JARID2: variants seen among roughly 807,000 people sequenced by gnomAD.
The protein encoded by JARID2 is jumonji and AT-rich interaction domain containing 2.
In JARID2, 21 loss-of-function variants were observed where a neutral mutation model predicts 125.6. The ratio of observed to expected loss-of-function variants is 0.17; its 90% CI spans 0.12 to 0.24. JARID2 has a LOEUF of 0.24. Among genes scored for constraint, JARID2 ranks in the 10% least tolerant of loss-of-function variants. The pLI is 1.00. For missense variants in JARID2, 1,303 were observed against 1,639.6 expected (o/e 0.79, Z 3.55); for synonymous variants, 736 against 661.6 (o/e 1.11, Z -1.73).
chr6:15,505,255 G>A (rs1352656017), intron 9 of JARID2: 2 of 152,090 alleles, frequency 1.3e-5, no homozygotes, highest in Admixed American at 6.6e-5. Context: ...AACCAAACCC[G>A]GACTGCTGGT....
chr6:15,506,731 C>T (rs779115264), intron 9 of JARID2, among the ~76,000 whole-genome samples: 1 of 152,154 alleles, frequency 6.6e-6, no homozygotes, highest in Non-Finnish European at 1.5e-5. Context: ...ATATAATTGG[C>T]GGTTACCGTG....
intron 5 of JARID2, among the ~76,000 whole-genome samples, chr6:15,472,778 CTG>C (rs1363670371): frequency 2.0e-5 from 3 of 152,082 alleles, no homozygotes; most frequent in Non-Finnish European, 4.4e-5. Flanking sequence ...CCTGTTCAGT[CTG>C]TGTTAGGCCT....
chr6:15,442,742 T>A (rs1006800122), intron 3 of JARID2, among the ~76,000 whole-genome samples: 1 of 152,220 alleles, frequency 6.6e-6, no homozygotes, highest in Non-Finnish European at 1.5e-5. Context: ...CCCTCTCAAA[T>A]TTGACACGGT....
intron 1 of JARID2, among the ~76,000 whole-genome samples, chr6:15,251,508 C>CAAGCCCAG (rs1759452492): frequency 6.6e-6 from 1 of 152,218 alleles, no homozygotes; most frequent in Non-Finnish European, 1.5e-5. Context: ...GCCCTGTTGG[C>CAAGCCCAG]TGCAGTATGT....
intron 3 of JARID2, among the ~76,000 whole-genome samples, chr6:15,445,286 C>T (rs1767625793): frequency 6.6e-6 from 1 of 152,186 alleles, no homozygotes; most frequent in South Asian, 2.1e-4. Context: ...ACTGTTAGTT[C>T]ATCCCTGGGG....
At chr6:15,481,799 C>T (rs976408321) in intron 5 of JARID2, among the ~76,000 whole-genome samples, 2 of 152,124 alleles carry the variant, frequency 1.3e-5, no homozygotes, top group Non-Finnish European at 2.9e-5. Context: ...TTTTTAATTT[C>T]CGTATGTTTG....
intron 6 of JARID2, among the ~76,000 whole-genome samples, chr6:15,488,145 G>A (rs11965742): frequency 0.021 from 3,264 of 152,228 alleles, 120 homozygotes; most frequent in African/African-American, 0.073. Context: ...CCTGTCCTGC[G>A]CTGTCCCCCC....
At chr6:15,447,157 C>T (rs1247866626) in intron 3 of JARID2, among the ~76,000 whole-genome samples, 1 of 152,136 alleles carries the variant, frequency 6.6e-6, no homozygotes, top group Non-Finnish European at 1.5e-5. Context: ...ATTCCCTCAC[C>T]CCCACTGCGC....
At chr6:15,428,942 A>ACCCCCCC (rs1421305196) in intron 3 of JARID2, among the ~76,000 whole-genome samples, 7 of 115,020 alleles carry the variant, frequency 6.1e-5, no homozygotes, top group African/African-American at 2.1e-4. Flanking sequence ...CCCCCCCCCA[A>ACCCCCCC]AAAAAAAAAA....
At chr6:15,398,789 G>T (rs1765311700) in intron 2 of JARID2, among the ~76,000 whole-genome samples, 1 of 152,180 alleles carries the variant, frequency 6.6e-6, no homozygotes, top group Non-Finnish European at 1.5e-5. Flanking sequence ...GCTGATGCCT[G>T]TGTGCACTCT....
intron 4 of JARID2, among the ~76,000 whole-genome samples, chr6:15,463,969 C>T (rs1768586232): frequency 6.6e-6 from 1 of 152,120 alleles, no homozygotes; most frequent in African/African-American, 2.4e-5. Context: ...GATAATCAAG[C>T]TGGTATGTAG....
At chr6:15,451,541 G>T (rs1767921459) in intron 3 of JARID2, among the ~76,000 whole-genome samples, 2 of 152,296 alleles carry the variant, frequency 1.3e-5, no homozygotes, top group South Asian at 4.1e-4. Flanking sequence ...AGGTGACCTG[G>T]ATGTAATGAC....
At chr6:15,514,963 T>A (rs942354504) in intron 16 of JARID2, among the ~76,000 whole-genome samples, 1 of 152,214 alleles carries the variant, frequency 6.6e-6, no homozygotes, top group African/African-American at 2.4e-5. Flanking sequence ...AAGAAAATGA[T>A]GATAAGCATT....
intron 6 of JARID2, among the ~76,000 whole-genome samples, chr6:15,495,883 C>T (rs1770390723): frequency 6.6e-6 from 1 of 152,188 alleles, no homozygotes; most frequent in Admixed American, 6.5e-5. Flanking sequence ...GCGCCTGGGG[C>T]AGTTTGCATA....
At chr6:15,307,429 CCCAGGCTGGT>C (rs1320114617) in intron 1 of JARID2, among the ~76,000 whole-genome samples, 1 of 151,962 alleles carries the variant, frequency 6.6e-6, no homozygotes, top group Non-Finnish European at 1.5e-5. Context: ...TGCCATGTTG[CCCAGGCTGGT>C]CTCAGACGAC....
At position 15,452,260 on chromosome 6, in the gene JARID2, C is replaced by G. The variant is rs1561871950; in HGVS notation, c.493+85C>G. On this transcript the variant is annotated intron_variant, in intron 4 of 17. Coordinates refer to ENST00000341776, the MANE Select transcript of JARID2 (RefSeq NM_004973.4). ...TACGTGGAGTAACCTTAGCTTTACTCTCTGCCATGTTCATTTTTCTGTCCC... is the reference window on the plus strand; with the variant it reads ...TACGTGGAGTAACCTTAGCTTTACTGTCTGCCATGTTCATTTTTCTGTCCC... The G allele has an allele frequency of 3.3e-6, 5 of 1,522,752 alleles. No homozygotes were observed. The African/African-American group carries it at 6.9e-5, about 21-fold the overall frequency. The allele number at this position is 1,522,752 out of a possible 1,614,324, so 94.3% of individuals were successfully genotyped here.
chr6:15,416,055 G>A (rs1354645627), intron 3 of JARID2, among the ~76,000 whole-genome samples: 1 of 151,760 alleles, frequency 6.6e-6, no homozygotes, highest in African/African-American at 2.4e-5. Context: ...AGACGGGGCG[G>A]CGGGGCAGAG....
At chr6:15,518,396 T>A (rs913675517) in intron 17 of JARID2, among the ~76,000 whole-genome samples, 1 of 152,188 alleles carries the variant, frequency 6.6e-6, no homozygotes, top group African/African-American at 2.4e-5. Context: ...TTTGATGAAT[T>A]AGGAGCAAAG....
intron 2 of JARID2, among the ~76,000 whole-genome samples, chr6:15,374,546 CTT>C (rs1254165326): frequency 6.6e-6 from 1 of 152,224 alleles, no homozygotes; most frequent in Non-Finnish European, 1.5e-5. Flanking sequence ...GAGCAGAACT[CTT>C]TGATGATCTT....
Sources: allele counts gnomAD v4.1 joint callset (sites outside exome capture counted in the v4.1 genomes callset), GRCh38; gene constraint gnomAD v4.1.1; transcripts MANE v1.5; gene names NCBI Gene and HGNC (gene_info 2026-07-23, HGNC 2026-07-21).